NAA25: variants seen among roughly 807,000 people sequenced by gnomAD.
The protein encoded by NAA25 is N-alpha-acetyltransferase 25, NatB auxiliary subunit, also known as N-terminal acetyltransferase B complex subunit NAA25.
A neutral mutation model predicts 132.5 loss-of-function variants in NAA25; 30 were observed. The observed-to-expected ratio is 0.23, with a 90% confidence interval of 0.17 to 0.31. The LOEUF is 0.31. Among genes scored for constraint, NAA25 ranks in the 10% least tolerant of loss-of-function variants. NAA25 has a pLI of 1.00. For missense variants in NAA25, 771 were observed against 1,150.4 expected, an observed-to-expected ratio of 0.67 and a Z score of 4.77; for synonymous variants, 359 against 401.9, an observed-to-expected ratio of 0.89 and a Z score of 1.28.
chr12:112,081,877 T>C (rs981020725), intron 4 of NAA25, among the ~76,000 whole-genome samples: 1 of 152,186 alleles, frequency 6.6e-6, no homozygotes, highest in South Asian at 2.1e-4. Context: ...GATTCAAAGA[T>C]CGCGTCCCTG....
At chr12:112,040,335 A>G in intron 21 of NAA25, 146 bp downstream of exon 21, 1 of 521,436 alleles carries the variant, frequency 1.9e-6, no homozygotes, top group Non-Finnish European at 3.4e-6. Context: ...TTAGAAAATG[A>G]TTTAAATTGC....
chr12:112,029,524 T>C lies in NAA25; in HGVS notation c.*7A>G, dbSNP rs116561193. 1,242 of 1,614,032 alleles carry C rather than the reference T, an allele frequency of 7.7e-4. 11 individuals are homozygous for C. The African/African-American group carries it at 0.013, about 17-fold the overall frequency. The stretch of plus-strand genomic sequence containing the variant: ...CAGAGTCATCAGTGCCCATGATAGA[T>C]ACTTCCTTAAATTTTTAGTTTCTTT... On this transcript the variant is annotated 3_prime_UTR_variant, in exon 24 of 24. Coordinates refer to ENST00000261745, the MANE Select transcript of NAA25 (RefSeq NM_024953.4).
At chr12:112,077,946 G>C (rs2078916841) in intron 7 of NAA25, among the ~76,000 whole-genome samples, 2 of 151,810 alleles carry the variant, frequency 1.3e-5, no homozygotes, top group South Asian at 4.1e-4. Context: ...AAACCTAGGG[G>C]AAGACGGCTA....
chr12:112,069,427 G>A (rs941663815), intron 10 of NAA25, among the ~76,000 whole-genome samples: 102 of 152,126 alleles, frequency 6.7e-4, no homozygotes, highest in Non-Finnish European at 2.6e-4. Context: ...CGCTTGAACC[G>A]AGAAGGTGGA....
chr12:112,104,770 A>G (rs1479278661), intron 1 of NAA25, among the ~76,000 whole-genome samples: 1 of 151,620 alleles, frequency 6.6e-6, no homozygotes, highest in Non-Finnish European at 1.5e-5. Flanking sequence ...CGGAAGGTGG[A>G]GCTTGCAGTG....
At chr12:112,090,655 A>G (rs1238132348) in intron 3 of NAA25, 71 bp downstream of exon 3, 1 of 1,494,818 alleles carries the variant, frequency 6.7e-7, no homozygotes, top group Non-Finnish European at 9.2e-7. Context: ...GAAATCAGAC[A>G]AGGGCAAACA....
At position 112,028,627 on chromosome 12, in the gene NAA25, T is replaced by C. The variant is rs567138309; in HGVS notation, c.*904A>G. 4.6e-5 allele frequency: 7 copies of C among 152,194 alleles called. 1 individual carries two copies. In the South Asian group the frequency reaches 1.5e-3, roughly 32 times the overall value. 9.4% of individuals were successfully genotyped at this position (152,194 alleles called of 1,614,324 possible). A position where few individuals can be genotyped will look rare whatever the true frequency, so the allele number is the denominator to read the frequency against. On this transcript the variant is annotated 3_prime_UTR_variant, in exon 24 of 24. Coordinates refer to ENST00000261745, the MANE Select transcript of NAA25 (RefSeq NM_024953.4). ...AATCTTAATTTTCAAGTCATATATA[T>C]ATGTGTATATATATATATGTATATA...
intron 4 of NAA25, 38 bp downstream of exon 4, chr12:112,087,645 T>A (rs779149098): frequency 1.4e-6 from 2 of 1,423,034 alleles, no homozygotes; most frequent in Admixed American, 1.8e-5. Context: ...CCTCTAATAG[T>A]AAATCCCATA....
chr12:112,060,502 A>G, intron 12 of NAA25, 143 bp from the exon 13 acceptor site: 1 of 592,886 alleles, frequency 1.7e-6, no homozygotes, highest in East Asian at 2.9e-5. Flanking sequence ...ACCAGGAGAA[A>G]AATATAAGCC....
intron 20 of NAA25, among the ~76,000 whole-genome samples, chr12:112,041,684 A>G (rs1350083091): frequency 1.3e-5 from 2 of 152,172 alleles, no homozygotes; most frequent in Admixed American, 1.3e-4. Flanking sequence ...CATATACATA[A>G]TATGTCACCA....
At chr12:112,082,245 C>T (rs2078983865) in intron 4 of NAA25, among the ~76,000 whole-genome samples, 1 of 151,708 alleles carries the variant, frequency 6.6e-6, no homozygotes, top group African/African-American at 2.4e-5. Context: ...AAGACTTTGT[C>T]TCCAAAAAAT....
At position 112,059,107 on chromosome 12, in the gene NAA25, A is replaced by C. The variant is rs973036272; in HGVS notation, c.1447+1163T>G. 1.7e-4 allele frequency among the ~76,000 whole-genome samples: 17 copies of C among 97,602 alleles called. No individual in the cohort carries two copies. In the East Asian group the frequency reaches 9.2e-3, roughly 53 times the overall value. 64.0% of individuals were successfully genotyped at this position (97,602 alleles called of 152,430 possible). On this transcript the variant is annotated intron_variant, in intron 13 of 23. Transcript: ENST00000261745. ...AAAAAAAAAAAAAAAAAAAAAAAAA[A>C]AAAAAAAAAAAAAAAACTAGCTGGG...
At chr12:112,057,487 T>C (rs955058301) in intron 13 of NAA25, among the ~76,000 whole-genome samples, 1 of 152,214 alleles carries the variant, frequency 6.6e-6, no homozygotes, top group African/African-American at 2.4e-5. Flanking sequence ...TGCAGCCTCA[T>C]GAATCTAGGG....
intron 13 of NAA25, among the ~76,000 whole-genome samples, chr12:112,059,234 T>G (rs758911214): frequency 1.3e-5 from 2 of 151,302 alleles, no homozygotes; most frequent in African/African-American, 2.4e-5. Context: ...ATCACGCCAC[T>G]GCACTCGAGC....
chr12:112,056,287 T>C (rs2078544817), intron 13 of NAA25, among the ~76,000 whole-genome samples: 1 of 152,064 alleles, frequency 6.6e-6, no homozygotes, highest in Non-Finnish European at 1.5e-5. Flanking sequence ...TAAGCCGAGA[T>C]TGCACCACTG....
chr12:112,061,520 AT>A, intron 11 of NAA25, 132 bp from the exon 12 acceptor site: 1 of 717,716 alleles, frequency 1.4e-6, no homozygotes, highest in Non-Finnish European at 2.3e-6. Context: ...TTCATAAACC[AT>A]TTTCTATCTA....
rs1246070733 is a variant in NAA25 at position 112,092,097 on chromosome 12, C to T, written c.144+954G>A. On this transcript the variant is annotated intron_variant, in intron 2 of 23. Transcript: ENST00000261745. The stretch of plus-strand genomic sequence containing the variant: ...CTACTAAAAATACAAAAAAATTAGC[C>T]GGGCGTGGTAGGACGCGCCTGTAGT... Among the ~76,000 whole-genome samples, 8 of 152,070 alleles carry T rather than the reference C, an allele frequency of 5.3e-5. No individual in the cohort carries two copies. In the East Asian group the frequency reaches 5.8e-4, roughly 11 times the overall value.
chr12:112,057,058 C>T (rs1435634732), intron 13 of NAA25, among the ~76,000 whole-genome samples: 1 of 151,872 alleles, frequency 6.6e-6, no homozygotes, highest in Non-Finnish European at 1.5e-5. Context: ...CGTGGTGGTG[C>T]GCGCCTGTAA....
chr12:112,065,122 A>G (rs2078696631), intron 11 of NAA25, among the ~76,000 whole-genome samples: 2 of 152,222 alleles, frequency 1.3e-5, no homozygotes, highest in Non-Finnish European at 2.9e-5. Context: ...GCACTTTGGG[A>G]GGCCAAGGCA....
Sources: gnomAD v4.1 joint callset for allele counts (sites outside exome capture counted in the v4.1 genomes callset) on GRCh38, gnomAD v4.1.1 for gene constraint, MANE v1.5 for transcripts, NCBI Gene and HGNC (gene_info 2026-07-23, HGNC 2026-07-21) for gene names.